MYH13: variants seen among roughly 807,000 people sequenced by gnomAD.
MYH13 encodes myosin heavy chain 13.
Under a neutral mutation model 232.1 loss-of-function variants are expected in MYH13, and 177 were observed. The observed-to-expected ratio is 0.76, with a 90% CI of 0.67 to 0.86. The LOEUF (loss-of-function observed/expected upper bound fraction) is 0.86. Ranked by LOEUF, MYH13 falls within the 40% of genes least tolerant of loss-of-function variation. MYH13 has a pLI of 0.00. For synonymous variants in MYH13, 884 were observed against 923.5 expected, an observed-to-expected ratio of 0.96 and a Z score of 0.78; for missense variants, 2,246 against 2,405.9, an observed-to-expected ratio of 0.93 and a Z score of 1.39.
At chr17:10,351,572 C>T (rs549848076) in intron 11 of MYH13, among the ~76,000 whole-genome samples, 2 of 152,236 alleles carry the variant, frequency 1.3e-5, no homozygotes, top group East Asian at 1.9e-4. Flanking sequence ...TATTAAATCC[C>T]CATGAAGCCC....
intron 27 of MYH13, 134 bp from the exon 28 acceptor site, chr17:10,316,159 G>T (rs1906703959): frequency 1.7e-6 from 2 of 1,199,412 alleles, no homozygotes; most frequent in Non-Finnish European, 2.3e-6. Flanking sequence ...AAAAAGTTCA[G>T]TTTCAAAAAA....
intron 27 of MYH13, among the ~76,000 whole-genome samples, chr17:10,316,273 C>T (rs1906709106): frequency 6.6e-6 from 1 of 152,116 alleles, no homozygotes; most frequent in South Asian, 2.1e-4. Flanking sequence ...CTAGCCTGAC[C>T]AACATGGTGA....
At chr17:10,366,989 T>C (rs897488803) in intron 2 of MYH13, among the ~76,000 whole-genome samples, 1 of 152,236 alleles carries the variant, frequency 6.6e-6, no homozygotes, top group Admixed American at 6.5e-5. Flanking sequence ...GGAATTCAAA[T>C]GCAGCACCCA....
chr17:10,312,862 T>C (rs1644977641), intron 30 of MYH13, 105 bp from the exon 31 acceptor site: 2 of 1,304,466 alleles, frequency 1.5e-6, no homozygotes, highest in Non-Finnish European at 2.1e-6. Flanking sequence ...GACTGGTGTT[T>C]GATGAGACCA....
chr17:10,309,345 C>T lies in MYH13; in HGVS notation c.5058G>A (p.Leu1686=), dbSNP rs2142220007. 2 of 1,613,834 alleles carry T rather than the reference C, an allele frequency of 1.2e-6. No individual in the cohort carries two copies. The highest frequency in any genetic ancestry group is 1.7e-6 in the Non-Finnish European group (2 of 1,179,822). The change falls in exon 35 of 41, where the codon CTG becomes CTA. Residue 1686 remains leucine, a synonymous_variant. Transcript: ENST00000252172. ...CCACCTTCATTTCCTCCAGCTCCTC[C>T]AGCAGGAGGCCATTCCTGCGCTCCA... ...AIVERRNGLL[L]EELEEMKVAL... is the part of the protein sequence containing the mutation.
At chr17:10,356,711 G>A (rs17208532) in intron 8 of MYH13, among the ~76,000 whole-genome samples, 3,152 of 152,246 alleles carry the variant, frequency 0.021, 99 homozygotes, top group East Asian at 0.11. Context: ...TCTTTCAGGC[G>A]ACGAAATACA....
At chr17:10,367,858 A>T (rs1390390397) in intron 2 of MYH13, among the ~76,000 whole-genome samples, 1 of 152,222 alleles carries the variant, frequency 6.6e-6, no homozygotes, top group African/African-American at 2.4e-5. Flanking sequence ...AAAAGGAAAG[A>T]GTATTTTAGT....
chr17:10,305,094 A>G (rs1417213405), intron 37 of MYH13, among the ~76,000 whole-genome samples: 1 of 152,170 alleles, frequency 6.6e-6, no homozygotes, highest in Non-Finnish European at 1.5e-5. Context: ...GTCTTCCATC[A>G]GGTTCTACAA....
At chr17:10,345,991 C>CAAAAAAAAAAAAAA (rs1211414796) in intron 13 of MYH13, among the ~76,000 whole-genome samples, 3 of 83,086 alleles carry the variant, frequency 3.6e-5, no homozygotes, top group African/African-American at 1.2e-4. Context: ...GACTCTGTCT[C>CAAAAAAAAAAAAAA]AAAAAAAAAA....
At chr17:10,354,291 G>T (rs190697855) in intron 11 of MYH13, among the ~76,000 whole-genome samples, 7 of 152,228 alleles carry the variant, frequency 4.6e-5, no homozygotes, top group African/African-American at 1.7e-4. Context: ...ATTACAGAGT[G>T]GGCTTGGTTT....
At chr17:10,305,162 T>C (rs1906232580) in intron 37 of MYH13, among the ~76,000 whole-genome samples, 1 of 152,142 alleles carries the variant, frequency 6.6e-6, no homozygotes, top group Admixed American at 6.5e-5. Context: ...GGAAGTCACA[T>C]AACCGGGCAG....
At chr17:10,346,845 A>G (rs1567668851) in intron 12 of MYH13, 47 bp from the exon 13 acceptor site, 9 of 1,414,980 alleles carry the variant, frequency 6.4e-6, no homozygotes, top group Non-Finnish European at 9.0e-6. Flanking sequence ...AGTAGCTGCT[A>G]AAGTGTCCAG....
chr17:10,312,668 C>T lies in MYH13; in HGVS notation c.4271G>A (p.Arg1424Lys). 3.1e-6 allele frequency: 5 copies of T among 1,613,458 alleles called. No homozygotes were observed. The highest frequency in any genetic ancestry group is 1.1e-5 in the South Asian group (1 of 90,900). ...CAGATCCTCCACCTCTCCCTGCAGC[C>T]TCTGCTTGGTTTTCTCCAACGATGC... ...KCASLEKTKQ[R>K]LQGEVEDLMR... is the part of the protein sequence containing the mutation. The change falls in exon 31 of 41, where the codon AGG (arginine) becomes AAG (lysine). Residue 1424 changes from arginine (R) to lysine (K), a missense_variant. Arg to Lys is a conservative substitution (Grantham distance 26). Coordinates refer to ENST00000252172, the MANE Select transcript of MYH13 (RefSeq NM_003802.3).
At chr17:10,351,999 T>A (rs2071714132) in intron 11 of MYH13, among the ~76,000 whole-genome samples, 1 of 152,108 alleles carries the variant, frequency 6.6e-6, no homozygotes, top group Non-Finnish European at 1.5e-5. Context: ...AGCTGGGATA[T>A]ATGGGGAGGA....
rs1597882221 is a variant in MYH13 at position 10,306,699 on chromosome 17, G to A, written c.5296-70C>T. 2.0e-5 allele frequency: 32 copies of A among 1,594,022 alleles called. No individual in the cohort carries two copies. Among genetic ancestry groups the A allele is most frequent in the African/African-American group, 1.1e-4 (8 of 74,524 alleles). On this transcript the variant is annotated intron_variant, in intron 36 of 40. Coordinates refer to ENST00000252172, the MANE Select transcript of MYH13 (RefSeq NM_003802.3). The surrounding 1 kb of genome is among the most constrained non-coding windows in gnomAD (Gnocchi z 4.3). ...CCTACCCAGAGCTTGCAGAAGAGGC[G>A]AAGGCTGGGATCATGGTGCTGAGCC...
chr17:10,309,247 A>G lies in MYH13; in HGVS notation c.5156T>C (p.Leu1719Pro), dbSNP rs758265279. The part of the protein sequence containing the change: ...ELLDASDRVQ[L>P]LHSQNTSLIN... Reference sequence around the variant, plus strand: ...GGGCCGACGCACCTGGGAGTGCAGGAGCTGCACGCGGTCGCTGGCGTCCAG... The same window carrying G: ...GGGCCGACGCACCTGGGAGTGCAGGGGCTGCACGCGGTCGCTGGCGTCCAG... Residue 1719 changes from leucine to proline, a missense_variant, in exon 35 of 41, where the codon CTC (leucine) becomes CCC (proline). Transcript: ENST00000252172. The G allele has an allele frequency of 3.7e-6, 6 of 1,613,238 alleles. No homozygotes were observed. Among genetic ancestry groups the G allele is most frequent in the South Asian group, 1.1e-5 (1 of 91,062 alleles).
intron 2 of MYH13, among the ~76,000 whole-genome samples, chr17:10,366,593 C>T (rs1319476326): frequency 1.3e-5 from 2 of 152,090 alleles, no homozygotes; most frequent in African/African-American, 4.8e-5. Flanking sequence ...GTTAGTCAGG[C>T]TGGTCTTGAA....
intron 39 of MYH13, among the ~76,000 whole-genome samples, chr17:10,302,465 T>C (rs1906127690): frequency 6.6e-6 from 1 of 152,140 alleles, no homozygotes; most frequent in South Asian, 2.1e-4. Context: ...TGATGACATA[T>C]CAAACTCTAC....
intron 22 of MYH13, among the ~76,000 whole-genome samples, chr17:10,326,668 G>A (rs112181946): frequency 2.0e-4 from 30 of 151,390 alleles, no homozygotes; most frequent in African/African-American, 6.5e-4. Context: ...TAGTAGAGAC[G>A]GAGTTTCACC....
Sources: gnomAD v4.1 joint callset for allele counts (sites outside exome capture counted in the v4.1 genomes callset) on GRCh38, gnomAD v4.1.1 for gene constraint, Gnocchi (gnomAD v3.1) non-coding constraint, MANE v1.5 for transcripts, NCBI Gene and HGNC (gene_info 2026-07-23, HGNC 2026-07-21) for gene names.